LTBP1: variants seen among roughly 807,000 people sequenced by gnomAD.
The protein encoded by LTBP1 is latent transforming growth factor beta binding protein 1, also known as latent-transforming growth factor beta-binding protein 1.
Under a neutral mutation model 207.6 loss-of-function variants are expected in LTBP1, and 129 were observed. The observed-to-expected ratio is 0.62, with a 90% CI of 0.54 to 0.72. LTBP1 has a LOEUF of 0.72. LTBP1 is among the 30% of genes least tolerant of loss of function. The pLI is 0.00. For synonymous variants in LTBP1, 963 were observed against 833.7 expected (o/e 1.16, Z -2.67); for missense variants, 2,281 against 2,217.2 (o/e 1.03, Z -0.58).
intron 3 of LTBP1, among the ~76,000 whole-genome samples, chr2:33,091,274 T>A (rs1485160628): frequency 6.6e-6 from 1 of 152,210 alleles, no homozygotes; most frequent in African/African-American, 2.4e-5. Flanking sequence ...CCTCTGGTCC[T>A]GTGGGGCTGT....
At chr2:33,201,730 A>G (rs988887954) in intron 7 of LTBP1, among the ~76,000 whole-genome samples, 2 of 152,240 alleles carry the variant, frequency 1.3e-5, no homozygotes, top group Non-Finnish European at 2.9e-5. Flanking sequence ...TGGATTAGGA[A>G]GAAAGGAAAG....
At chr2:33,283,927 T>C (rs1278667348) in intron 19 of LTBP1, among the ~76,000 whole-genome samples, 1 of 152,268 alleles carries the variant, frequency 6.6e-6, no homozygotes, top group Non-Finnish European at 1.5e-5. Flanking sequence ...ACATGTACAA[T>C]GTTTTATATA....
chr2:33,208,634 C>T (rs2090058351), intron 7 of LTBP1, among the ~76,000 whole-genome samples: 2 of 152,314 alleles, frequency 1.3e-5, no homozygotes, highest in South Asian at 4.1e-4. Flanking sequence ...CACCGACCTT[C>T]ATAGGATTGC....
At chr2:33,371,795 A>G (rs2095070592) in intron 31 of LTBP1, among the ~76,000 whole-genome samples, 2 of 152,238 alleles carry the variant, frequency 1.3e-5, no homozygotes, top group Non-Finnish European at 1.5e-5. Flanking sequence ...ATCTGGTTTC[A>G]GTTACCCACA....
chr2:33,178,863 T>G (rs2086333530), intron 5 of LTBP1, among the ~76,000 whole-genome samples: 1 of 152,162 alleles, frequency 6.6e-6, no homozygotes, highest in Non-Finnish European at 1.5e-5. Flanking sequence ...TTGTAGGTAT[T>G]AATTAGTATG....
intron 2 of LTBP1, among the ~76,000 whole-genome samples, chr2:32,953,832 G>A (rs1677599251): frequency 6.6e-6 from 1 of 152,176 alleles, no homozygotes; most frequent in African/African-American, 2.4e-5. Context: ...ATGTTCGAGA[G>A]CTCAAATTAA....
chr2:33,083,199 C>T (rs1020140916), intron 3 of LTBP1, among the ~76,000 whole-genome samples: 3 of 151,884 alleles, frequency 2.0e-5, no homozygotes, highest in Non-Finnish European at 4.4e-5. Flanking sequence ...CCCATCTGTG[C>T]TTAGGCTTAG....
intron 2 of LTBP1, among the ~76,000 whole-genome samples, chr2:33,002,851 T>A (rs1300024729): frequency 6.6e-6 from 1 of 152,116 alleles, no homozygotes; most frequent in East Asian, 1.9e-4. Context: ...CTAATTTTTG[T>A]ATTTTTAGTA....
chr2:33,393,533 C>T (rs1225100149), intron 32 of LTBP1, among the ~76,000 whole-genome samples: 3 of 149,184 alleles, frequency 2.0e-5, no homozygotes, highest in East Asian at 2.0e-4. Flanking sequence ...TGAGTGAGAA[C>T]ATGCGGTGTT....
At chr2:32,954,582 T>A (rs1487317151) in intron 2 of LTBP1, among the ~76,000 whole-genome samples, 2 of 136,850 alleles carry the variant, frequency 1.5e-5, no homozygotes, top group African/African-American at 2.7e-5. Flanking sequence ...TTTACCTTGA[T>A]TACCTCTGTA....
intron 3 of LTBP1, among the ~76,000 whole-genome samples, chr2:33,092,309 T>G (rs779035124): frequency 2.0e-5 from 3 of 152,270 alleles, no homozygotes; most frequent in Non-Finnish European, 4.4e-5. Context: ...TGTTCTTTAT[T>G]GAGTTCTGTC....
chr2:33,262,159 C>T (rs1317187861), intron 13 of LTBP1, among the ~76,000 whole-genome samples: 2 of 152,224 alleles, frequency 1.3e-5, no homozygotes. Flanking sequence ...ATTTCTGTTG[C>T]TCTGCCTGGC....
At chr2:33,309,941 C>T (rs543021693) in intron 23 of LTBP1, among the ~76,000 whole-genome samples, 8 of 148,562 alleles carry the variant, frequency 5.4e-5, no homozygotes, top group Admixed American at 1.3e-4. Flanking sequence ...ATCCAGTGCC[C>T]GCCATTGCTT....
At chr2:33,062,533 A>G (rs2077315701) in intron 3 of LTBP1, among the ~76,000 whole-genome samples, 1 of 152,118 alleles carries the variant, frequency 6.6e-6, no homozygotes. Context: ...CTAGTTGTTC[A>G]GGATCATTTG....
At chr2:33,015,079 T>C (rs1442444255) in intron 2 of LTBP1, among the ~76,000 whole-genome samples, 1 of 151,960 alleles carries the variant, frequency 6.6e-6, no homozygotes, top group East Asian at 1.9e-4. Context: ...ACCTCCTAAA[T>C]GTTATGCCCC....
intron 16 of LTBP1, among the ~76,000 whole-genome samples, chr2:33,274,461 A>T (rs2093384458): frequency 6.6e-6 from 1 of 152,046 alleles, no homozygotes; most frequent in African/African-American, 2.4e-5. Context: ...GTGTGTGTGT[A>T]TGGGGGAGAA....
rs918119455 is a variant in LTBP1, at chr2:33,278,991, A to G, written c.2993-1048A>G. Among the ~76,000 whole-genome samples, 4 of 152,216 alleles carry G rather than the reference A, an allele frequency of 2.6e-5. 1 individual carries two copies. The highest frequency in any genetic ancestry group is 2.0e-4 in the Admixed American group (3 of 15,286). ...AGTGGGAGATAATTTTTAAGTATTTACTAGAATGTAGACATCACATACCCA... is the reference window on the plus strand; with the variant it reads ...AGTGGGAGATAATTTTTAAGTATTTGCTAGAATGTAGACATCACATACCCA... On this transcript the variant is annotated intron_variant, in intron 18 of 33. Coordinates refer to ENST00000404816, the MANE Select transcript of LTBP1 (RefSeq NM_206943.4).
chr2:33,072,988 G>T (rs553512179), intron 3 of LTBP1, among the ~76,000 whole-genome samples: 4 of 152,198 alleles, frequency 2.6e-5, no homozygotes, highest in East Asian at 1.9e-4. Flanking sequence ...TGACACCCCT[G>T]GGGGGAGTAG....
intron 5 of LTBP1, among the ~76,000 whole-genome samples, chr2:33,181,552 G>A (rs1051198858): frequency 6.6e-6 from 1 of 152,266 alleles, no homozygotes; most frequent in African/African-American, 2.4e-5. Flanking sequence ...ACACTTTCTG[G>A]AGTAACAGGC....
Sources: gnomAD v4.1 joint callset for allele counts (sites outside exome capture counted in the v4.1 genomes callset) on GRCh38, gnomAD v4.1.1 for gene constraint, MANE v1.5 for transcripts, NCBI Gene and HGNC (gene_info 2026-07-23, HGNC 2026-07-21) for gene names.